Variants in PDGFD observed in about 807,000 individuals in gnomAD.
PDGFD encodes the protein platelet-derived growth factor D.
Under a neutral mutation model 44.7 loss-of-function variants are expected in PDGFD, and 30 were observed. That is an observed-to-expected ratio of 0.67 (90% CI 0.50 to 0.91). The LOEUF is 0.91. Among genes scored for constraint, PDGFD ranks in the 40% least tolerant of loss-of-function variants. The pLI is 0.00. For synonymous variants in PDGFD, 173 were observed against 168.4 expected (o/e 1.03, Z -0.21); for missense variants, 445 against 457.8 (o/e 0.97, Z 0.25).
At chr11:104,066,029 G>A (rs1860786216) in intron 1 of PDGFD, among the ~76,000 whole-genome samples, 1 of 152,076 alleles carries the variant, frequency 6.6e-6, no homozygotes, top group South Asian at 2.1e-4. Context: ...GGAAAAATTG[G>A]TGTCATATAT....
At chr11:103,968,628 T>C (rs1859054743) in intron 3 of PDGFD, among the ~76,000 whole-genome samples, 1 of 152,220 alleles carries the variant, frequency 6.6e-6, no homozygotes, top group African/African-American at 2.4e-5. Flanking sequence ...ATTCAAGGGT[T>C]CGTCATGTCT....
chr11:104,088,576 G>C (rs1475514092), intron 1 of PDGFD, among the ~76,000 whole-genome samples: 2 of 152,112 alleles, frequency 1.3e-5, no homozygotes, highest in African/African-American at 2.4e-5. Flanking sequence ...TAAAATTCTT[G>C]AGTTTAGACT....
rs138130812 is a variant in PDGFD at position 104,131,022 on chromosome 11, A to G, written c.124+32782T>C. ...TAAGTGCTCTTTTGGATTTATGTAGACAATGATTTTTATCATATGTCACCT... is the reference window on the plus strand; with the variant it reads ...TAAGTGCTCTTTTGGATTTATGTAGGCAATGATTTTTATCATATGTCACCT... On this transcript the variant is annotated intron_variant, in intron 1 of 6. Transcript: ENST00000393158. 1.6e-3 allele frequency among the ~76,000 whole-genome samples: 240 copies of G among 152,320 alleles called. 5 individuals are homozygous for G. The East Asian group carries it at 0.035, about 22-fold the overall frequency.
At chr11:104,080,739 GAA>G (rs1179947138) in intron 1 of PDGFD, among the ~76,000 whole-genome samples, 1 of 152,152 alleles carries the variant, frequency 6.6e-6, no homozygotes, top group Non-Finnish European at 1.5e-5. Context: ...AACCTTCAAT[GAA>G]TAGTGAATAA....
At chr11:104,151,101 A>AT in intron 1 of PDGFD, among the ~76,000 whole-genome samples, 3 of 152,196 alleles carry the variant, frequency 2.0e-5, no homozygotes, top group Admixed American at 2.0e-4. Flanking sequence ...CCCATCATTG[A>AT]TTACTGTTTA....
At chr11:103,960,326 A>T (rs1858916309) in intron 3 of PDGFD, among the ~76,000 whole-genome samples, 1 of 152,200 alleles carries the variant, frequency 6.6e-6, no homozygotes, top group African/African-American at 2.4e-5. Context: ...CCCAAGGATT[A>T]GCTGAGATAT....
intron 1 of PDGFD, among the ~76,000 whole-genome samples, chr11:104,014,905 T>G (rs1000519838): frequency 4.6e-5 from 7 of 152,176 alleles, no homozygotes; most frequent in Non-Finnish European, 1.0e-4. Context: ...CTATCAGCAT[T>G]TATTGAGATT....
chr11:103,965,204 T>C (rs1296023753), intron 3 of PDGFD, among the ~76,000 whole-genome samples: 3 of 152,264 alleles, frequency 2.0e-5, no homozygotes, highest in Non-Finnish European at 4.4e-5. Flanking sequence ...GGGAAACTTA[T>C]CAGTTAAGAC....
chr11:103,999,433 A>C (rs1859585952), intron 2 of PDGFD, among the ~76,000 whole-genome samples: 2 of 152,246 alleles, frequency 1.3e-5, no homozygotes, highest in African/African-American at 4.8e-5. Context: ...AGAAGAGAGA[A>C]GATTATCAGA....
At chr11:103,997,762 A>G (rs1222103575) in intron 2 of PDGFD, among the ~76,000 whole-genome samples, 1 of 152,202 alleles carries the variant, frequency 6.6e-6, no homozygotes, top group Non-Finnish European at 1.5e-5. Flanking sequence ...TGAAACTTTT[A>G]ATAACACCAT....
intron 1 of PDGFD, among the ~76,000 whole-genome samples, chr11:104,104,803 G>A (rs1371969317): frequency 6.6e-6 from 1 of 152,098 alleles, no homozygotes; most frequent in African/African-American, 2.4e-5. Flanking sequence ...AAGATTCTAA[G>A]TCTCTGAATA....
At chr11:104,112,599 T>C (rs1444783284) in intron 1 of PDGFD, among the ~76,000 whole-genome samples, 3 of 152,074 alleles carry the variant, frequency 2.0e-5, no homozygotes, top group Non-Finnish European at 4.4e-5. Context: ...CTATTCACAA[T>C]GGTAAAGACA....
intron 1 of PDGFD, among the ~76,000 whole-genome samples, chr11:104,032,323 A>G (rs1327631338): frequency 2.6e-5 from 4 of 152,208 alleles, no homozygotes; most frequent in Non-Finnish European, 5.9e-5. Flanking sequence ...AACATTAGTT[A>G]TTTAACCTAA....
intron 1 of PDGFD, among the ~76,000 whole-genome samples, chr11:104,041,846 C>T (rs1029648227): frequency 6.6e-6 from 1 of 152,122 alleles, no homozygotes; most frequent in African/African-American, 2.4e-5. Flanking sequence ...TCGATGTTTG[C>T]AGGTATAAAT....
At chr11:103,983,062 A>G (rs1859297507) in intron 3 of PDGFD, among the ~76,000 whole-genome samples, 1 of 151,878 alleles carries the variant, frequency 6.6e-6, no homozygotes, top group Non-Finnish European at 1.5e-5. Context: ...AATTAGAAAA[A>G]AACTATTTTA....
At chr11:103,980,673 A>C (rs548328774) in intron 3 of PDGFD, among the ~76,000 whole-genome samples, 1 of 152,152 alleles carries the variant, frequency 6.6e-6, no homozygotes, top group Admixed American at 6.6e-5. Flanking sequence ...TGTCCCCCCC[A>C]AAATTGATAC....
At chr11:103,931,064 A>G (rs1370424198) in intron 5 of PDGFD, among the ~76,000 whole-genome samples, 1 of 152,184 alleles carries the variant, frequency 6.6e-6, no homozygotes, top group African/African-American at 2.4e-5. Flanking sequence ...CCAGGATCCT[A>G]AAGATTCTAG....
intron 1 of PDGFD, among the ~76,000 whole-genome samples, chr11:104,108,422 T>C (rs979075099): frequency 1.3e-5 from 2 of 152,006 alleles, no homozygotes; most frequent in Admixed American, 6.5e-5. Context: ...AAAGAAGACA[T>C]TTATGCAGCC....
rs182510852 is a variant in PDGFD at position 103,912,013 on chromosome 11, C to T, written c.988-2194G>A. Among the ~76,000 whole-genome samples, 59 of 152,130 alleles carry T rather than the reference C, an allele frequency of 3.9e-4. No homozygotes were observed. In the South Asian group the frequency reaches 4.2e-3, roughly 11 times the overall value. ...CCAAATCTACATTTGATTGGTGTCC[C>T]CCAAAGTGATGGGGAGAATGGAATC... On this transcript the variant is annotated intron_variant, in intron 6 of 6. Transcript: ENST00000393158.
Sources: gnomAD v4.1 joint callset for allele counts (sites outside exome capture counted in the v4.1 genomes callset) on GRCh38, gnomAD v4.1.1 for gene constraint, MANE v1.5 for transcripts, NCBI Gene and HGNC (gene_info 2026-07-23, HGNC 2026-07-21) for gene names.